Variants in LHX8 observed in about 807,000 individuals in gnomAD.
LHX8 encodes the protein LIM/homeobox protein Lhx8.
A neutral mutation model predicts 40.3 loss-of-function variants in LHX8; 12 were observed. The ratio of observed to expected loss-of-function variants is 0.30; its 90% CI spans 0.19 to 0.48. LHX8 has a LOEUF of 0.48. Among genes scored for constraint, LHX8 ranks in the 20% least tolerant of loss-of-function variants. The probability of loss-of-function intolerance (pLI) is 0.99; values close to 1 mark genes in which losing one functional copy is unlikely to be tolerated. For missense variants in LHX8, 344 were observed against 433.7 expected (o/e 0.79, Z 1.84); for synonymous variants, 179 against 162.0 (o/e 1.10, Z -0.80).
intron 4 of LHX8, among the ~76,000 whole-genome samples, chr1:75,142,363 A>T (rs1399079628): frequency 6.6e-6 from 1 of 152,158 alleles, no homozygotes; most frequent in Non-Finnish European, 1.5e-5. Flanking sequence ...TGTGATTGTG[A>T]TAGGAGACAT....
the LHX8 span, among the ~76,000 whole-genome samples, chr1:75,189,546 T>A: frequency 6.6e-6 from 1 of 152,178 alleles, no homozygotes; most frequent in Non-Finnish European, 1.5e-5. Flanking sequence ...TTCAGCATCA[T>A]CTATTAGCTA....
At chr1:75,133,325 G>T (rs1297932897), upstream of LHX8, among the ~76,000 whole-genome samples, 16 of 152,040 alleles carry the variant, frequency 1.1e-4, no homozygotes, top group Non-Finnish European at 1.5e-5. Context: ...CACAGGAAAG[G>T]CTATCTATCT....
At chr1:75,160,789 C>T in intron 8 of LHX8, 30 bp from the exon 9 acceptor site, 1 of 1,503,436 alleles carries the variant, frequency 6.7e-7, no homozygotes, top group Middle Eastern at 1.7e-4. Context: ...CCCTACAAAA[C>T]TGATCCACAA....
At chr1:75,157,103 T>C in intron 8 of LHX8, 27 bp downstream of exon 8, 1 of 1,608,466 alleles carries the variant, frequency 6.2e-7, no homozygotes, top group Non-Finnish European at 8.5e-7. Context: ...TTAACAGCTG[T>C]CTCCCAGGCA....
At chr1:75,154,302 TG>T (rs1557493623) in intron 7 of LHX8, among the ~76,000 whole-genome samples, 1 of 152,082 alleles carries the variant, frequency 6.6e-6, no homozygotes, top group Non-Finnish European at 1.5e-5. Context: ...TGATTACCTG[TG>T]GATGATCTTT....
At chr1:75,163,018 C>T (rs1363861648), downstream of LHX8, among the ~76,000 whole-genome samples, 1 of 143,738 alleles carries the variant, frequency 7.0e-6, no homozygotes. Flanking sequence ...GGTAGGATAC[C>T]TTTTTTTTTT....
At chr1:75,149,008 T>C (rs1648536781) in intron 7 of LHX8, among the ~76,000 whole-genome samples, 1 of 152,254 alleles carries the variant, frequency 6.6e-6, no homozygotes, top group Non-Finnish European at 1.5e-5. Flanking sequence ...GTAATGATTA[T>C]CCTGCTTGGG....
upstream of LHX8, among the ~76,000 whole-genome samples, chr1:75,134,076 G>T (rs140388254): frequency 9.9e-3 from 1,511 of 152,076 alleles, 7 homozygotes; most frequent in Non-Finnish European, 0.015. Flanking sequence ...GATGTAACCT[G>T]AATCTTTGTT....
chr1:75,163,492 T>C (rs188201979), downstream of LHX8, among the ~76,000 whole-genome samples: 2 of 152,280 alleles, frequency 1.3e-5, no homozygotes, highest in African/African-American at 2.4e-5. Context: ...TAGGAAAAAT[T>C]CTCAATGGCT....
chr1:75,174,693 C>T, the LHX8 span, among the ~76,000 whole-genome samples: 1 of 152,128 alleles, frequency 6.6e-6, no homozygotes, highest in Non-Finnish European at 1.5e-5. Flanking sequence ...GAAACACTCC[C>T]CCAGCCACCC....
At chr1:75,178,399 G>C in the LHX8 span, among the ~76,000 whole-genome samples, 1 of 151,876 alleles carries the variant, frequency 6.6e-6, no homozygotes, top group Non-Finnish European at 1.5e-5. Flanking sequence ...GTTTAGTCTT[G>C]GGGGGGTGTA....
the LHX8 span, among the ~76,000 whole-genome samples, chr1:75,179,226 T>C: frequency 2.0e-5 from 3 of 152,224 alleles, no homozygotes; most frequent in Non-Finnish European, 4.4e-5. Context: ...CTGGTTATCC[T>C]TGTTAACCTT....
At chr1:75,190,923 G>C in the LHX8 span, among the ~76,000 whole-genome samples, 149 of 152,192 alleles carry the variant, frequency 9.8e-4, 2 homozygotes, top group East Asian at 0.015. Context: ...TTTAAAAAAA[G>C]AAAAGATTAT....
intron 3 of LHX8, 87 bp from the exon 4 acceptor site, chr1:75,140,898 G>A (rs1648293871): frequency 7.7e-7 from 1 of 1,297,632 alleles, no homozygotes; most frequent in South Asian, 1.2e-5. Flanking sequence ...TATATTAAGG[G>A]GCCAGTTTTT....
the LHX8 span, among the ~76,000 whole-genome samples, chr1:75,193,264 C>T: frequency 6.6e-6 from 1 of 152,130 alleles, no homozygotes; most frequent in Non-Finnish European, 1.5e-5. Flanking sequence ...TAGATGATCC[C>T]AGCACATTGC....
the LHX8 span, among the ~76,000 whole-genome samples, chr1:75,176,480 G>A: frequency 1.3e-5 from 2 of 152,176 alleles, no homozygotes; most frequent in African/African-American, 4.8e-5. Flanking sequence ...CTTTTGAGAA[G>A]TGTCTGTTCA....
chr1:75,186,312 C>G, the LHX8 span, among the ~76,000 whole-genome samples: 1 of 152,090 alleles, frequency 6.6e-6, no homozygotes, highest in Non-Finnish European at 1.5e-5. Flanking sequence ...GCCACTGTAA[C>G]CAAAACAGCA....
chr1:75,135,208 G>C (rs1382919829), intron 1 of LHX8, among the ~76,000 whole-genome samples: 32 of 152,336 alleles, frequency 2.1e-4, no homozygotes, highest in Admixed American at 2.1e-3. Context: ...AACGAGTCAC[G>C]CGGTTTGTCT....
At position 75,141,066 on chromosome 1, in the gene LHX8, A is replaced by C. The variant is rs780026312; in HGVS notation, c.319A>C (p.Ile107Leu). The change falls in exon 4 of 9, where the codon ATT (isoleucine) becomes CTT (leucine). Residue 107 changes from isoleucine (I) to leucine (L), a missense_variant. Physicochemically the swap from Ile to Leu is conservative, Grantham distance 5 (BLOSUM62 2). Around this residue, in one of 3 missense-constraint regions of LHX8, gnomAD observed 147 missense variants for 250.8 expected, o/e 0.59. Coordinates refer to ENST00000356261, the MANE Select transcript of LHX8 (RefSeq NM_001256114.2). ...CCTAGGAAGGCACACCAGCTGTTAT[A>C]TTAAAGACAAAGACATTTTCTGCAA... ...TSLGRHTSCY[I>L]KDKDIFCKLD... 2.5e-6 allele frequency: 4 copies of C among 1,613,570 alleles called. No homozygotes were observed. Among genetic ancestry groups the C allele is most frequent in the Non-Finnish European group, 3.4e-6 (4 of 1,179,614 alleles).
Sources: gnomAD v4.1 joint callset for allele counts (sites outside exome capture counted in the v4.1 genomes callset) on GRCh38, gnomAD v4.1.1 for gene constraint, gnomAD v4.1.1 regional missense constraint, MANE v1.5 for transcripts, NCBI Gene and HGNC (gene_info 2026-07-23, HGNC 2026-07-21) for gene names.